COL25A1: variants seen among roughly 807,000 people sequenced by gnomAD.
COL25A1 encodes the protein collagen alpha-1(XXV) chain.
A neutral mutation model predicts 128.4 loss-of-function variants in COL25A1; 103 were observed. The observed-to-expected ratio is 0.80, with a 90% confidence interval of 0.68 to 0.94. The LOEUF (loss-of-function observed/expected upper bound fraction) is 0.94. COL25A1 is among the 40% of genes least tolerant of loss of function. The pLI is 0.00. For missense variants in COL25A1, 745 were observed against 840.0 expected, an observed-to-expected ratio of 0.89 and a Z score of 1.40; for synonymous variants, 279 against 277.2, an observed-to-expected ratio of 1.01 and a Z score of -0.06.
At chr4:109,124,985 T>G (rs1289313119) in intron 3 of COL25A1, among the ~76,000 whole-genome samples, 1 of 152,068 alleles carries the variant, frequency 6.6e-6, no homozygotes, top group East Asian at 1.9e-4. Flanking sequence ...TAACTTAATA[T>G]TACAGAATTT....
chr4:109,210,247 A>G (rs891024677), intron 3 of COL25A1, among the ~76,000 whole-genome samples: 1 of 152,184 alleles, frequency 6.6e-6, no homozygotes, highest in Non-Finnish European at 1.5e-5. Flanking sequence ...TGGTTGTCAA[A>G]AAACTCCATT....
intron 5 of COL25A1, among the ~76,000 whole-genome samples, chr4:109,027,230 G>T (rs1329598919): frequency 2.0e-5 from 3 of 152,178 alleles, no homozygotes; most frequent in Non-Finnish European, 4.4e-5. Context: ...GGATAAGGAG[G>T]CTAGAGAACA....
intron 13 of COL25A1, among the ~76,000 whole-genome samples, chr4:108,904,032 C>T (rs1743163388): frequency 6.6e-6 from 1 of 152,028 alleles, no homozygotes; most frequent in African/African-American, 2.4e-5. Context: ...GAAACACATA[C>T]TCCAAGTTAG....
chr4:108,858,270 C>T (rs932515118), intron 24 of COL25A1, among the ~76,000 whole-genome samples: 6 of 152,074 alleles, frequency 3.9e-5, no homozygotes, highest in South Asian at 2.1e-4. Context: ...TGGAGTGATA[C>T]ACAAGATGAA....
intron 3 of COL25A1, among the ~76,000 whole-genome samples, chr4:109,090,471 T>C (rs1450218880): frequency 1.3e-5 from 2 of 152,200 alleles, no homozygotes; most frequent in African/African-American, 4.8e-5. Context: ...AAGAGGCTGT[T>C]AGGAAACTAT....
chr4:108,893,141 C>T (rs915925724), intron 16 of COL25A1, among the ~76,000 whole-genome samples: 2 of 151,762 alleles, frequency 1.3e-5, no homozygotes, highest in South Asian at 2.1e-4. Context: ...TGCATCTTTG[C>T]TATGTAGATG....
chr4:108,816,550 G>T (rs181771428), intron 37 of COL25A1, among the ~76,000 whole-genome samples: 24 of 152,222 alleles, frequency 1.6e-4, no homozygotes, highest in Middle Eastern at 3.4e-3. Flanking sequence ...TTGCATAAAG[G>T]TTTGATATTC....
At chr4:109,114,346 A>G (rs1299698473) in intron 3 of COL25A1, among the ~76,000 whole-genome samples, 1 of 152,106 alleles carries the variant, frequency 6.6e-6, no homozygotes, top group East Asian at 1.9e-4. Context: ...GGTTTACACA[A>G]CTGTATACTT....
At chr4:109,265,570 A>T (rs1391887418) in intron 3 of COL25A1, among the ~76,000 whole-genome samples, 2 of 120,858 alleles carry the variant, frequency 1.7e-5, no homozygotes, top group Non-Finnish European at 3.8e-5. Context: ...TGTGTGTGTT[A>T]AACAGGAGCA....
chr4:109,115,640 G>A (rs993202643), intron 3 of COL25A1, among the ~76,000 whole-genome samples: 2 of 152,016 alleles, frequency 1.3e-5, no homozygotes, highest in African/African-American at 2.4e-5. Context: ...AGATGTTAAG[G>A]ATGTACCTTC....
intron 3 of COL25A1, among the ~76,000 whole-genome samples, chr4:109,051,085 T>C (rs1437111177): frequency 6.6e-6 from 1 of 152,166 alleles, no homozygotes; most frequent in Non-Finnish European, 1.5e-5. Context: ...CAATGAGAAT[T>C]GAGGTCTTAC....
intron 3 of COL25A1, among the ~76,000 whole-genome samples, chr4:109,073,477 T>A (rs1028057868): frequency 6.6e-6 from 1 of 152,208 alleles, no homozygotes; most frequent in Non-Finnish European, 1.5e-5. Context: ...ACACAATCGC[T>A]GCAGATCTTC....
intron 3 of COL25A1, among the ~76,000 whole-genome samples, chr4:109,288,962 T>TACACACACAC (rs3079876): frequency 4.5e-5 from 6 of 133,606 alleles, no homozygotes; most frequent in African/African-American, 1.7e-4. Flanking sequence ...AAATTATATA[T>TACACACACAC]ACACACACAC....
chr4:109,250,723 T>C (rs757877496), intron 3 of COL25A1, among the ~76,000 whole-genome samples: 1 of 152,178 alleles, frequency 6.6e-6, no homozygotes, highest in Non-Finnish European at 1.5e-5. Flanking sequence ...TTACTGAATA[T>C]ACCAATTTAA....
chr4:109,199,894 TG>T (rs1199319017), intron 3 of COL25A1, among the ~76,000 whole-genome samples: 1 of 152,170 alleles, frequency 6.6e-6, no homozygotes, highest in Non-Finnish European at 1.5e-5. Context: ...AAGAATAAAC[TG>T]CAGCAAAAGC....
At chr4:109,098,630 T>C (rs374619436) in intron 3 of COL25A1, among the ~76,000 whole-genome samples, 1 of 152,246 alleles carries the variant, frequency 6.6e-6, no homozygotes, top group African/African-American at 2.4e-5. Context: ...TCTTAGATCA[T>C]TGAAGCCTTC....
chr4:109,006,877 T>A (rs1648012), intron 6 of COL25A1, among the ~76,000 whole-genome samples: 4 of 151,730 alleles, frequency 2.6e-5, no homozygotes, highest in Non-Finnish European at 5.9e-5. Context: ...ATGGACTCAT[T>A]GTGGGGAGCA....
intron 3 of COL25A1, among the ~76,000 whole-genome samples, chr4:109,086,471 A>G (rs1426336339): frequency 6.6e-6 from 1 of 152,232 alleles, no homozygotes; most frequent in East Asian, 1.9e-4. Flanking sequence ...ATAATTTATC[A>G]TCTTCTATTT....
intron 8 of COL25A1, among the ~76,000 whole-genome samples, chr4:108,966,987 A>G (rs562269869): frequency 6.6e-6 from 1 of 152,150 alleles, no homozygotes; most frequent in Non-Finnish European, 1.5e-5. Context: ...GAAAAGTTTT[A>G]TTAATACGTG....
Sources: gnomAD v4.1 joint callset for allele counts (sites outside exome capture counted in the v4.1 genomes callset) on GRCh38, gnomAD v4.1.1 for gene constraint, MANE v1.5 for transcripts, NCBI Gene and HGNC (gene_info 2026-07-23, HGNC 2026-07-21) for gene names.